RANBP2: variants seen among roughly 807,000 people sequenced by gnomAD.
RANBP2 encodes the protein RAN binding protein 2, also known as E3 SUMO-protein ligase RanBP2.
In RANBP2, 57 loss-of-function variants were observed where a neutral mutation model predicts 303.6. The observed-to-expected ratio is 0.19, with a 90% CI of 0.15 to 0.23. The LOEUF (loss-of-function observed/expected upper bound fraction) is 0.23. Ranked by LOEUF, RANBP2 falls within the 10% of genes least tolerant of loss-of-function variation. The pLI, the probability that RANBP2 is intolerant of heterozygous loss-of-function variation, is 1.00. For synonymous variants in RANBP2, 1,167 were observed against 1,301.5 expected (o/e 0.90, Z 2.23); for missense variants, 3,138 against 3,780.8 (o/e 0.83, Z 4.46).
chr2:109,019,478 G>A, the RANBP2 span, among the ~76,000 whole-genome samples: 1 of 152,184 alleles, frequency 6.6e-6, no homozygotes, highest in African/African-American at 2.4e-5. Context: ...CTGGTCTTAG[G>A]AAGGTGATAA....
chr2:109,597,408 G>T, the RANBP2 span, among the ~76,000 whole-genome samples: 1 of 152,188 alleles, frequency 6.6e-6, no homozygotes, highest in African/African-American at 2.4e-5. Context: ...CACCCACTTA[G>T]TATGTGTAAA....
At chr2:109,259,593 A>G in the RANBP2 span, among the ~76,000 whole-genome samples, 1 of 152,154 alleles carries the variant, frequency 6.6e-6, no homozygotes, top group African/African-American at 2.4e-5. Flanking sequence ...TGGAGTTACC[A>G]TGTTTGGGCG....
chr2:108,828,050 T>A, the RANBP2 span, among the ~76,000 whole-genome samples: 1 of 151,840 alleles, frequency 6.6e-6, no homozygotes, highest in East Asian at 1.9e-4. Context: ...ATGATAAAGG[T>A]AGCATGTTAA....
chr2:109,539,407 G>T, the RANBP2 span, among the ~76,000 whole-genome samples: 3 of 152,102 alleles, frequency 2.0e-5, no homozygotes, highest in African/African-American at 7.2e-5. Context: ...CACCCCAAAA[G>T]GTTTCACGTG....
the RANBP2 span, among the ~76,000 whole-genome samples, chr2:109,698,001 A>G: frequency 6.6e-6 from 1 of 151,722 alleles, no homozygotes; most frequent in African/African-American, 2.4e-5. Flanking sequence ...CTGGGATTAC[A>G]GGCATGTGCC....
the RANBP2 span, among the ~76,000 whole-genome samples, chr2:109,234,454 C>G: frequency 6.6e-6 from 1 of 152,202 alleles, no homozygotes; most frequent in Non-Finnish European, 1.5e-5. Context: ...TTCTTTGGAA[C>G]CAATTTTGGG....
At chr2:109,400,654 A>G in the RANBP2 span, among the ~76,000 whole-genome samples, 1 of 151,500 alleles carries the variant, frequency 6.6e-6, no homozygotes, top group Non-Finnish European at 1.5e-5. Context: ...ACACATGTAG[A>G]CATTTATACA....
chr2:108,933,763 C>T, the RANBP2 span, among the ~76,000 whole-genome samples: 41 of 151,718 alleles, frequency 2.7e-4, no homozygotes, highest in African/African-American at 8.5e-4. Flanking sequence ...CAGGCAGCGA[C>T]GGGAGATCGG....
At chr2:108,811,444 T>C in the RANBP2 span, among the ~76,000 whole-genome samples, 13 of 151,944 alleles carry the variant, frequency 8.6e-5, no homozygotes, top group Admixed American at 4.6e-4. Context: ...TGAGGTCTTA[T>C]TGTGTTGCTG....
At chr2:109,629,793 A>G in the RANBP2 span, among the ~76,000 whole-genome samples, 1 of 152,080 alleles carries the variant, frequency 6.6e-6, no homozygotes, top group Non-Finnish European at 1.5e-5. Flanking sequence ...CCTGGGCAAT[A>G]GAGCAAGACT....
At chr2:109,669,858 A>C in the RANBP2 span, among the ~76,000 whole-genome samples, 1 of 151,280 alleles carries the variant, frequency 6.6e-6, no homozygotes, top group African/African-American at 2.4e-5. Flanking sequence ...ACCCCTAACC[A>C]GTCGCCCCAC....
At chr2:109,212,820 G>A in the RANBP2 span, among the ~76,000 whole-genome samples, 4 of 152,172 alleles carry the variant, frequency 2.6e-5, no homozygotes, top group African/African-American at 9.7e-5. Context: ...TAGACCTCCT[G>A]GTGAGCTGGT....
the RANBP2 span, among the ~76,000 whole-genome samples, chr2:108,953,997 A>G: frequency 1.3e-5 from 2 of 152,254 alleles, no homozygotes; most frequent in African/African-American, 4.8e-5. Context: ...GAAAGGCATG[A>G]TAAGTCTTCT....
the RANBP2 span, among the ~76,000 whole-genome samples, chr2:109,372,304 G>A: frequency 6.6e-6 from 1 of 152,196 alleles, no homozygotes; most frequent in Non-Finnish European, 1.5e-5. Flanking sequence ...CTTAACACGT[G>A]TGTCTTTAAA....
At chr2:109,667,552 C>A in the RANBP2 span, among the ~76,000 whole-genome samples, 1 of 152,052 alleles carries the variant, frequency 6.6e-6, no homozygotes, top group African/African-American at 2.4e-5. Context: ...CACACAGAGC[C>A]CATAGAATGA....
At chr2:108,734,572 G>A (rs1334752656) in intron 4 of RANBP2, among the ~76,000 whole-genome samples, 2 of 151,834 alleles carry the variant, frequency 1.3e-5, no homozygotes, top group African/African-American at 2.4e-5. Flanking sequence ...AGCATTTTTT[G>A]CCTGACAGAA....
At position 108,758,499 on chromosome 2, in the gene RANBP2, G is replaced by T. The variant is rs1371265459; in HGVS notation, c.2553G>T (p.Val851=). ...CAGAGAATTATGGACCAGACTCAGT[G>T]CCTGATGGATATCAGGGGTCACAGA... ...WPTENYGPDS[V]PDGYQGSQTF... The change falls in exon 18 of 29, where the codon GTG becomes GTT. Residue 851 remains valine, a synonymous_variant. Coordinates refer to ENST00000283195, the MANE Select transcript of RANBP2 (RefSeq NM_006267.5). The T allele has an allele frequency of 6.2e-7, 1 of 1,611,130 alleles. No individual in the cohort carries two copies. The highest frequency in any genetic ancestry group is 1.7e-5 in the Admixed American group (1 of 59,916).
the RANBP2 span, among the ~76,000 whole-genome samples, chr2:109,571,415 A>G: frequency 6.6e-6 from 1 of 152,216 alleles, no homozygotes; most frequent in Non-Finnish European, 1.5e-5. Flanking sequence ...GCTGTATGGT[A>G]TGGCTCATTG....
the RANBP2 span, among the ~76,000 whole-genome samples, chr2:108,891,164 G>T: frequency 1.3e-5 from 2 of 152,110 alleles, no homozygotes; most frequent in Non-Finnish European, 2.9e-5. Context: ...TGGGATTTCA[G>T]AAATTTATTT....
Sources: gnomAD v4.1 joint callset for allele counts (sites outside exome capture counted in the v4.1 genomes callset) on GRCh38, gnomAD v4.1.1 for gene constraint, MANE v1.5 for transcripts, NCBI Gene and HGNC (gene_info 2026-07-23, HGNC 2026-07-21) for gene names.